The following LUZP1 variants were observed in gnomAD, a reference collection of about 807,000 sequenced individuals.
LUZP1 encodes leucine zipper protein 1, also known as filamin mechanobinding actin cross-linking protein.
LUZP1 carries 25 observed loss-of-function variants against 71.3 expected under a neutral mutation model. The ratio of observed to expected loss-of-function variants is 0.35; its 90% CI spans 0.26 to 0.49. The LOEUF (loss-of-function observed/expected upper bound fraction) is 0.49. Among genes scored for constraint, LUZP1 ranks in the 20% least tolerant of loss-of-function variants. The pLI is 0.99. For synonymous variants in LUZP1, 481 were observed against 506.4 expected, an observed-to-expected ratio of 0.95 and a Z score of 0.67; for missense variants, 1,142 against 1,300.8, an observed-to-expected ratio of 0.88 and a Z score of 1.88.
chr1:23,122,794 TCC>T (rs1301341276), intron 2 of LUZP1, among the ~76,000 whole-genome samples: 2 of 152,108 alleles, frequency 1.3e-5, no homozygotes, highest in Non-Finnish European at 2.9e-5. Flanking sequence ...TCTCCACACC[TCC>T]CCCATCTTCC....
chr1:23,136,418 A>G (rs887919266), intron 2 of LUZP1, among the ~76,000 whole-genome samples: 5 of 152,236 alleles, frequency 3.3e-5, no homozygotes, highest in Admixed American at 6.5e-5. Context: ...TAGGTCCTGT[A>G]GTAAGAACAA....
intron 2 of LUZP1, among the ~76,000 whole-genome samples, chr1:23,167,297 C>G (rs1233507227): frequency 6.6e-6 from 1 of 152,152 alleles, no homozygotes; most frequent in Non-Finnish European, 1.5e-5. Context: ...TGACACCAGT[C>G]CAGCTCCTTA....
intron 2 of LUZP1, among the ~76,000 whole-genome samples, chr1:23,130,555 G>T (rs1340862262): frequency 7.1e-5 from 10 of 140,826 alleles, no homozygotes; most frequent in African/African-American, 1.6e-4. Context: ...TTAGAGATGG[G>T]GTCTCACTAT....
In LUZP1 at chr1:23,088,093, C is replaced by T. The variant is rs1462608257; in HGVS notation, c.*802G>A. On this transcript the variant is annotated 3_prime_UTR_variant, in exon 5 of 5. Coordinates refer to ENST00000302291, the Ensembl canonical transcript of LUZP1. Reference sequence around the variant, plus strand: ...GGAAACAATGAAGTCAGCTTGAAGTCTCCAGCCACTGGAGAGAAAGCAGGC... The same window carrying T: ...GGAAACAATGAAGTCAGCTTGAAGTTTCCAGCCACTGGAGAGAAAGCAGGC... 3 of 152,694 alleles carry T rather than the reference C, an allele frequency of 2.0e-5. No individual in the cohort carries two copies. In the East Asian group the frequency reaches 5.8e-4, roughly 29 times the overall value. The allele number at this position is 152,694 out of a possible 1,614,324, so 9.5% of individuals were successfully genotyped here. A position where few individuals can be genotyped will look rare whatever the true frequency, so the allele number is the denominator to read the frequency against.
At chr1:23,102,480 T>A (rs143598862) in intron 3 of LUZP1, among the ~76,000 whole-genome samples, 174 of 152,300 alleles carry the variant, frequency 1.1e-3, no homozygotes, top group East Asian at 4.0e-3. Context: ...AACTTTTTTT[T>A]AAAAAGTTTG....
At chr1:23,098,754 T>C (rs1470752425) in intron 3 of LUZP1, among the ~76,000 whole-genome samples, 2 of 152,216 alleles carry the variant, frequency 1.3e-5, no homozygotes, top group African/African-American at 2.4e-5. Context: ...CAGCCACCAC[T>C]GGAGAGGGAA....
exon 4 of LUZP1, chr1:23,091,545 G>A (rs1398498858): frequency 6.2e-7 from 1 of 1,614,038 alleles, no homozygotes; most frequent in African/African-American, 1.3e-5. Context: ...TTCTGAAGGG[G>A]CACTATGGCT....
intron 2 of LUZP1, among the ~76,000 whole-genome samples, chr1:23,147,639 T>TAAAAAAAAAAAAAAAAAAAAAAAAAAAA (rs1644354349): frequency 1.5e-5 from 2 of 136,402 alleles, no homozygotes; most frequent in African/African-American, 2.8e-5. Context: ...AAAAAAAAAT[T>TAAAAAAAAAAAAAAAAAAAAAAAAAAAA]AAATGGATTA....
At chr1:23,108,948 G>C (rs1387763107) in intron 3 of LUZP1, 74 bp downstream of exon 2, 8 of 152,120 alleles carry the variant, frequency 5.3e-5, no homozygotes, top group Non-Finnish European at 1.2e-4. Context: ...TTCCAGTAGT[G>C]GCAAAATTAT....
chr1:23,169,570 T>G (rs1015452495), intron 1 of LUZP1, among the ~76,000 whole-genome samples: 2 of 152,168 alleles, frequency 1.3e-5, no homozygotes, highest in African/African-American at 4.8e-5. Context: ...ACAAGTACTT[T>G]CCCATCTATG....
intron 3 of LUZP1, among the ~76,000 whole-genome samples, chr1:23,099,704 G>A (rs1021386120): frequency 6.6e-6 from 1 of 152,096 alleles, no homozygotes; most frequent in African/African-American, 2.4e-5. Flanking sequence ...CAAGACTCTG[G>A]ATGATATGAA....
At chr1:23,150,925 G>GT (rs1215973097) in intron 2 of LUZP1, among the ~76,000 whole-genome samples, 2 of 152,166 alleles carry the variant, frequency 1.3e-5, no homozygotes, top group Non-Finnish European at 2.9e-5. Flanking sequence ...TTGGACATTT[G>GT]TTTTTAATAA....
At chr1:23,091,766 T>C (rs1643858934) in exon 4 of LUZP1, 1 of 1,614,082 alleles carries the variant, frequency 6.2e-7, no homozygotes, top group Non-Finnish European at 8.5e-7. Flanking sequence ...TGCTAACTGA[T>C]GTGAGCTCTG....
chr1:23,154,889 C>T (rs1644410619), intron 2 of LUZP1, among the ~76,000 whole-genome samples: 1 of 151,868 alleles, frequency 6.6e-6, no homozygotes, highest in African/African-American at 2.4e-5. Flanking sequence ...ATTAATTCTC[C>T]CTGCTCCATT....
chr1:23,091,477 C>G (rs547715159), exon 4 of LUZP1: 1 of 1,614,168 alleles, frequency 6.2e-7, no homozygotes, highest in East Asian at 2.2e-5. Context: ...GATTTCAAGT[C>G]TCGCCTACTC....
chr1:23,154,137 A>C (rs1188429372), intron 2 of LUZP1, among the ~76,000 whole-genome samples: 1 of 152,204 alleles, frequency 6.6e-6, no homozygotes, highest in Admixed American at 6.5e-5. Context: ...AACGATAGGA[A>C]TAGAAAACAA....
chr1:23,132,932 C>CA (rs2124690191), intron 2 of LUZP1, among the ~76,000 whole-genome samples: 1 of 152,158 alleles, frequency 6.6e-6, no homozygotes, highest in South Asian at 2.1e-4. Context: ...ATAATTAGAC[C>CA]AAAACTGATC....
At chr1:23,084,579 C>CTCCTGACTGACTGACAGATAGA (rs1167546716) in exon 5 of LUZP1, 1 of 152,166 alleles carries the variant, frequency 6.6e-6, no homozygotes, top group Non-Finnish European at 1.5e-5. Context: ...TTCCCAGGGG[C>CTCCTGACTGACTGACAGATAGA]TCCTGACTGA....
At chr1:23,148,927 T>G (rs1253397113) in intron 2 of LUZP1, among the ~76,000 whole-genome samples, 1 of 151,310 alleles carries the variant, frequency 6.6e-6, no homozygotes, top group East Asian at 1.9e-4. Flanking sequence ...CAAAAATGTT[T>G]AAAATTAGCC....
Sources: allele counts gnomAD v4.1 joint callset (sites outside exome capture counted in the v4.1 genomes callset), GRCh38; gene constraint gnomAD v4.1.1; transcripts MANE v1.5; gene names NCBI Gene and HGNC (gene_info 2026-07-23, HGNC 2026-07-21).